The following NPC1 variants were observed in gnomAD, a reference collection of about 807,000 sequenced individuals.
NPC1 encodes the protein Niemann-Pick C1 protein.
In NPC1, 85 loss-of-function variants were observed where a neutral mutation model predicts 140.4. The ratio of observed to expected loss-of-function variants is 0.61; its 90% CI spans 0.51 to 0.72. NPC1 has a LOEUF of 0.72. Among genes scored for constraint, NPC1 ranks in the 30% least tolerant of loss-of-function variants. The pLI, the probability that NPC1 is intolerant of heterozygous loss-of-function variation, is 0.00. For synonymous variants in NPC1, 656 were observed against 624.8 expected (o/e 1.05, Z -0.74); for missense variants, 1,504 against 1,623.8 (o/e 0.93, Z 1.27).
Position 23,540,557 on chromosome 18 carries a change from A to G in NPC1, c.2515-20T>C, listed in dbSNP as rs749160684. 8 of 1,532,670 alleles carry G rather than the reference A, an allele frequency of 5.2e-6. No individual in the cohort carries two copies. The highest frequency in any genetic ancestry group is 2.7e-5 in the African/African-American group (2 of 73,306). 94.9% of individuals were successfully genotyped at this position (1,532,670 alleles called of 1,614,324 possible). On this transcript the variant is annotated intron_variant, in intron 16 of 24. Transcript: ENST00000269228. The stretch of plus-strand genomic sequence containing the variant: ...TGCTATCTGGAACAACAAATGAATC[A>G]TAAGACAGAGACTGCTTAGTAAATA...
chr18:23,580,885 G>C (rs1394494394), intron 1 of NPC1, among the ~76,000 whole-genome samples: 2 of 152,202 alleles, frequency 1.3e-5, no homozygotes, highest in Non-Finnish European at 2.9e-5. Context: ...TGCCGGGCTG[G>C]TCTGACTTCT....
At chr18:23,527,664 G>GTGTTGTATTTCT, downstream of NPC1, 1 of 607,866 alleles carries the variant, frequency 1.6e-6, no homozygotes, top group South Asian at 1.7e-5. Context: ...GGTCTTTAAA[G>GTGTTGTATTTCT]TAGAGTGTCC....
chr18:23,506,932 C>T (rs571055708), intron 3 of NPC1: 229 of 1,392,620 alleles, frequency 1.6e-4, no homozygotes, highest in South Asian at 1.2e-3. Flanking sequence ...AGCTAGAATT[C>T]GGTTATTTAA....
In NPC1 at chr18:23,524,253, C is replaced by T. The variant is rs1390495276; in HGVS notation, c.164-1347G>A. The stretch of plus-strand genomic sequence containing the variant: ...AGAGAGTGGTCCTGAAGTCCTCCTC[C>T]GGGCAGCTGTGAATAACACTCCGAG... On this transcript the variant is annotated intron_variant, in intron 1 of 1. Coordinates refer to the NPC1 transcript ENST00000590723. 1.4e-5 allele frequency: 22 copies of T among 1,564,730 alleles called. 1 individual carries two copies. In the Middle Eastern group the frequency reaches 1.0e-3, roughly 72 times the overall value.
chr18:23,529,908 ACTT>A (rs58993935), downstream of NPC1: 60,530 of 1,112,556 alleles, frequency 0.054, 3,496 homozygotes, highest in African/African-American at 0.23. Context: ...TGACGAAACC[ACTT>A]CTTGTAATGA....
chr18:23,536,639 T>C, intron 21 of NPC1, 34 bp downstream of exon 21: 1 of 1,589,692 alleles, frequency 6.3e-7, no homozygotes, highest in Non-Finnish European at 8.6e-7. Context: ...GGCCCTTTGC[T>C]GGGTAAACCC....
downstream of NPC1, among the ~76,000 whole-genome samples, chr18:23,521,148 C>G (rs2058132137): frequency 6.6e-6 from 1 of 152,200 alleles, no homozygotes; most frequent in African/African-American, 2.4e-5. Flanking sequence ...AGCCACCATG[C>G]CCAGCCTGTT....
At chr18:23,526,564 T>C, downstream of NPC1, 1 of 1,570,130 alleles carries the variant, frequency 6.4e-7, no homozygotes, top group Non-Finnish European at 8.6e-7. Context: ...CCGCAGATGT[T>C]TAGGGGAACC....
rs1473768997 is a variant in NPC1 at position 23,531,695 on chromosome 18, A to G, written c.*507T>C. Reference sequence around the variant, plus strand: ...GAGACCAAGCTCTAATGAGGCCTACAACATTCTGAAATCACTTGCTGTTTT... The same window carrying G: ...GAGACCAAGCTCTAATGAGGCCTACGACATTCTGAAATCACTTGCTGTTTT... On this transcript the variant is annotated 3_prime_UTR_variant, in exon 25 of 25. Transcript: ENST00000269228. 4.4e-6 allele frequency: 7 copies of G among 1,607,954 alleles called. No homozygotes were observed. The highest frequency in any genetic ancestry group is 2.2e-5 in the South Asian group (2 of 88,900).
At chr18:23,568,314 T>A (rs765441506) in intron 4 of NPC1, among the ~76,000 whole-genome samples, 1 of 152,194 alleles carries the variant, frequency 6.6e-6, no homozygotes, top group Non-Finnish European at 1.5e-5. Flanking sequence ...AGACCTTTTT[T>A]CTATGGAATT....
chr18:23,531,512 G>A lies in NPC1; in HGVS notation c.*690C>T. The A allele has an allele frequency of 6.7e-7, 1 of 1,501,914 alleles. No homozygotes were observed. The highest frequency in any genetic ancestry group is 8.8e-7 in the Non-Finnish European group (1 of 1,133,084). The allele number at this position is 1,501,914 out of a possible 1,614,324, so 93.0% of individuals were successfully genotyped here. On this transcript the variant is annotated 3_prime_UTR_variant, in exon 25 of 25. Transcript: ENST00000269228. The stretch of plus-strand genomic sequence containing the variant: ...TAACCCCAAAACTTAGGAAAACAAT[G>A]TATTTTATTAAAGAAAAATAAGTTA...
chr18:23,570,084 C>CT (rs2059179717), intron 3 of NPC1, among the ~76,000 whole-genome samples: 1 of 152,172 alleles, frequency 6.6e-6, no homozygotes, highest in Non-Finnish European at 1.5e-5. Flanking sequence ...CACAGACTCT[C>CT]TTTCTTTCAG....
At chr18:23,583,392 G>A (rs2059379726) in intron 1 of NPC1, among the ~76,000 whole-genome samples, 1 of 152,134 alleles carries the variant, frequency 6.6e-6, no homozygotes, top group Non-Finnish European at 1.5e-5. Context: ...TGTTGCAGCA[G>A]TTTAAATAAA....
chr18:23,516,954 G>C (rs1210155118), intron 3 of NPC1, among the ~76,000 whole-genome samples: 1 of 151,864 alleles, frequency 6.6e-6, no homozygotes, highest in Non-Finnish European at 1.5e-5. Flanking sequence ...TCGAACTCCT[G>C]ACCTCAAGTG....
intron 3 of NPC1, among the ~76,000 whole-genome samples, chr18:23,514,644 A>G (rs1203572688): frequency 6.6e-6 from 1 of 152,226 alleles, no homozygotes; most frequent in Admixed American, 6.5e-5. Context: ...AGAATTTTGT[A>G]CATGTGATTG....
chr18:23,568,876 G>T lies in NPC1; in HGVS notation c.410C>A (p.Thr137Lys). ...TTGTAACTCTTTCACATTTGTTTTC[G>T]TCTGGTTTGTAACAGGATCAACATA... is the stretch of plus-strand genomic sequence containing the variant. The part of the protein sequence containing the change: ...EDYVDPVTNQ[T>K]KTNVKELQYY... The change falls in exon 4 of 25, where the codon ACG becomes AAG. Residue 137 changes from threonine to lysine, a missense_variant. Transcript: ENST00000269228. 1 of 1,613,998 alleles carries T rather than the reference G, an allele frequency of 6.2e-7. No homozygotes were observed. The highest frequency in any genetic ancestry group is 8.5e-7 in the Non-Finnish European group (1 of 1,179,928).
intron 19 of NPC1, 70 bp from the exon 20 acceptor site, chr18:23,538,741 TACTG>T (rs1452973729): frequency 2.1e-5 from 31 of 1,509,876 alleles, no homozygotes; most frequent in South Asian, 3.4e-5. Flanking sequence ...CATTTTAAAA[TACTG>T]ACAGTGAGGG....
chr18:23,574,074 T>C (rs562453407), intron 1 of NPC1, among the ~76,000 whole-genome samples: 45 of 152,352 alleles, frequency 3.0e-4, no homozygotes, highest in Non-Finnish European at 6.0e-4. Flanking sequence ...ATGAACTTCC[T>C]GTCCTTGAGG....
At chr18:23,578,793 C>T (rs2059322975) in intron 1 of NPC1, among the ~76,000 whole-genome samples, 1 of 152,234 alleles carries the variant, frequency 6.6e-6, no homozygotes, top group Non-Finnish European at 1.5e-5. Context: ...ATTTCCTCCT[C>T]TATTGCCAAT....
Sources: allele counts gnomAD v4.1 joint callset (sites outside exome capture counted in the v4.1 genomes callset), GRCh38; gene constraint gnomAD v4.1.1; transcripts MANE v1.5; gene names NCBI Gene and HGNC (gene_info 2026-07-23, HGNC 2026-07-21).